GRIP2: variants seen among roughly 807,000 people sequenced by gnomAD.
GRIP2 encodes glutamate receptor-interacting protein 2.
GRIP2 carries 58 observed loss-of-function variants against 108.3 expected under a neutral mutation model. The observed-to-expected ratio is 0.54, with a 90% confidence interval of 0.43 to 0.67. The LOEUF is 0.67. Among genes scored for constraint, GRIP2 ranks in the 30% least tolerant of loss-of-function variants. GRIP2 has a pLI of 0.00. For synonymous variants in GRIP2, 586 were observed against 598.2 expected (o/e 0.98, Z 0.30); for missense variants, 1,278 against 1,430.6 (o/e 0.89, Z 1.72).
rs374872595 is a variant in GRIP2 at position 14,496,521 on chromosome 3, C to T, written c.2719G>A (p.Glu907Lys). 103 of 1,612,784 alleles carry T rather than the reference C, an allele frequency of 6.4e-5. No homozygotes were observed. The African/African-American group carries it at 1.1e-3, about 17-fold the overall frequency. ...MTGTVQRVAL[E>K]GRPGHRPWQR... ...CAAGGCCGGTGGCCAGGCCTGCCCT[C>T]GAGGGCCACCCTCTGCACGGTGCCC... Residue 907 changes from glutamate to lysine, a missense_variant, in exon 22 of 24, where the codon GAG (glutamate) becomes AAG (lysine). Coordinates refer to ENST00000621039, the MANE Select transcript of GRIP2 (RefSeq NM_001080423.4).
chr3:14,493,885 G>T (rs1383055203), intron 23 of GRIP2, 59 bp from the exon 24 acceptor site: 2 of 1,551,044 alleles, frequency 1.3e-6, no homozygotes, highest in African/African-American at 1.4e-5. Context: ...GCGCTGAAGG[G>T]AGCAAGAGGC....
Position 14,509,980 on chromosome 3 carries a change from C to T in GRIP2, c.1934-16G>A. 1 of 1,465,202 alleles carries T rather than the reference C, an allele frequency of 6.8e-7. No individual in the cohort carries two copies. 90.8% of individuals were successfully genotyped at this position (1,465,202 alleles called of 1,614,324 possible). On this transcript the variant is annotated splice_polypyrimidine_tract_variant and intron_variant, in intron 16 of 23. Coordinates refer to ENST00000621039, the MANE Select transcript of GRIP2 (RefSeq NM_001080423.4). Reference sequence around the variant, plus strand: ...TCCAGCTCATCTGCAAGCACGGGGACCCATGAGGAGGAGGCCCCCGAGGGG... The same window carrying T: ...TCCAGCTCATCTGCAAGCACGGGGATCCATGAGGAGGAGGCCCCCGAGGGG...
intron 5 of GRIP2, chr3:14,523,392 T>C: frequency 1.7e-6 from 1 of 583,394 alleles, no homozygotes; most frequent in African/African-American, 1.9e-5. Flanking sequence ...GCTTTCACCA[T>C]CATTTTCCGG....
At chr3:14,509,589 G>T (rs1694026448) in intron 17 of GRIP2, among the ~76,000 whole-genome samples, 1 of 152,246 alleles carries the variant, frequency 6.6e-6, no homozygotes, top group Non-Finnish European at 1.5e-5. Flanking sequence ...GTGCTTACCT[G>T]GAGCCAGGAG....
At chr3:14,601,384 A>G in the GRIP2 span, among the ~76,000 whole-genome samples, 76,496 of 151,922 alleles carry the variant, frequency 0.5, 19,323 homozygotes, top group East Asian at 0.64. Flanking sequence ...CCTTGGGGGC[A>G]GCTCCGTTGA....
chr3:14,592,020 T>C, the GRIP2 span, among the ~76,000 whole-genome samples: 2 of 152,222 alleles, frequency 1.3e-5, no homozygotes, highest in Admixed American at 6.5e-5. Flanking sequence ...GTCTGGCACA[T>C]AGCAGGTACC....
chr3:14,498,286 G>A (rs1260080946), intron 21 of GRIP2, among the ~76,000 whole-genome samples: 1 of 152,094 alleles, frequency 6.6e-6, no homozygotes, highest in African/African-American at 2.4e-5. Flanking sequence ...AACATAGCCA[G>A]ACAACCTCTC....
Position 14,517,761 on chromosome 3 carries a change from A to G in GRIP2, c.1156+11T>C, listed in dbSNP as rs778544697. ...AAGACTGGCTGAGCTACAGCAGGGCAGGCACATTACATCGGCTTTGGTCCT... is the reference window on the plus strand; with the variant it reads ...AAGACTGGCTGAGCTACAGCAGGGCGGGCACATTACATCGGCTTTGGTCCT... On this transcript the variant is annotated intron_variant, in intron 10 of 23. Coordinates refer to ENST00000621039, the MANE Select transcript of GRIP2 (RefSeq NM_001080423.4). The G allele has an allele frequency of 1.9e-6, 3 of 1,610,306 alleles. No individual in the cohort carries two copies. The highest frequency in any genetic ancestry group is 2.2e-5 in the South Asian group (2 of 90,256).
chr3:14,573,458 G>T, the GRIP2 span: 2 of 1,524,782 alleles, frequency 1.3e-6, no homozygotes, highest in Non-Finnish European at 1.8e-6. Context: ...ACAGGCGGTA[G>T]AACTGGTCAG....
Position 14,520,192 on chromosome 3 carries a change from G to A in GRIP2, c.948C>T (p.Leu316=), listed in dbSNP as rs779456228. 5.0e-6 allele frequency: 8 copies of A among 1,613,238 alleles called. No individual in the cohort carries two copies. Among genetic ancestry groups the A allele is most frequent in the Non-Finnish European group, 6.8e-6 (8 of 1,179,772 alleles). Residue 316 remains leucine, a synonymous_variant, in exon 9 of 24, where the codon CTC becomes CTT. Coordinates refer to ENST00000621039, the MANE Select transcript of GRIP2 (RefSeq NM_001080423.4). ...EHCSLLEATK[L]LASISEKVRL... The stretch of plus-strand genomic sequence containing the variant: ...GCACCTTCTCTGAAATGCTGGCCAG[G>A]AGCTTGGTGGCCTCAAGCAGCGAGC...
chr3:14,531,046 T>C (rs987361083), intron 1 of GRIP2: 5 of 152,268 alleles, frequency 3.3e-5, no homozygotes, highest in African/African-American at 1.2e-4. Flanking sequence ...TAATCTTCTC[T>C]GTATCATTCC....
intron 20 of GRIP2, 173 bp from the exon 21 acceptor site, chr3:14,503,844 G>C: frequency 1.7e-6 from 1 of 600,850 alleles, no homozygotes; most frequent in Non-Finnish European, 3.0e-6. Flanking sequence ...CGGGGCAGTG[G>C]TTGGTGACAC....
At chr3:14,530,565 A>G (rs56136604) in intron 1 of GRIP2, among the ~76,000 whole-genome samples, 7,049 of 152,284 alleles carry the variant, frequency 0.046, 259 homozygotes, top group Middle Eastern at 0.11. Flanking sequence ...TTGTATGAGA[A>G]AAAGTCTTAT....
intron 1 of GRIP2, among the ~76,000 whole-genome samples, chr3:14,538,960 G>A (rs1694898322): frequency 1.3e-5 from 2 of 152,178 alleles, no homozygotes; most frequent in South Asian, 2.1e-4. Flanking sequence ...TGCCTTTGTG[G>A]CCCTGACCAC....
the GRIP2 span, among the ~76,000 whole-genome samples, chr3:14,601,288 C>T: frequency 3.9e-5 from 6 of 152,166 alleles, no homozygotes; most frequent in Non-Finnish European, 8.8e-5. Flanking sequence ...CTGAGAGAGG[C>T]TTGTCCAAGA....
At chr3:14,557,496 A>C (rs1486138133), upstream of GRIP2, among the ~76,000 whole-genome samples, 5 of 152,200 alleles carry the variant, frequency 3.3e-5, no homozygotes, top group Non-Finnish European at 5.9e-5. Context: ...CTGTTGGGGC[A>C]ACTCAGCTAG....
chr3:14,599,685 C>G, the GRIP2 span, among the ~76,000 whole-genome samples: 44,289 of 126,970 alleles, frequency 0.35, 7,352 homozygotes, highest in Middle Eastern at 0.46. Context: ...CTCTCTCTCT[C>G]TGTGTGTGTG....
chr3:14,530,181 TCTC>T (rs1365878053), intron 1 of GRIP2, among the ~76,000 whole-genome samples: 1 of 152,228 alleles, frequency 6.6e-6, no homozygotes, highest in African/African-American at 2.4e-5. Flanking sequence ...ATTTTCCAAG[TCTC>T]CTCTTTCACT....
the GRIP2 span, among the ~76,000 whole-genome samples, chr3:14,590,584 A>G: frequency 0.22 from 33,586 of 152,196 alleles, 4,327 homozygotes; most frequent in Middle Eastern, 0.31. Flanking sequence ...CTCCTAACAT[A>G]GCAAGGACGG....
Sources: gnomAD v4.1 joint callset for allele counts (sites outside exome capture counted in the v4.1 genomes callset) on GRCh38, gnomAD v4.1.1 for gene constraint, MANE v1.5 for transcripts, NCBI Gene and HGNC (gene_info 2026-07-23, HGNC 2026-07-21) for gene names.